The following PLCH2 variants were observed in gnomAD, a reference collection of about 807,000 sequenced individuals.
PLCH2 encodes 1-phosphatidylinositol 4,5-bisphosphate phosphodiesterase eta-2.
PLCH2 carries 98 observed loss-of-function variants against 134.7 expected under a neutral mutation model. That is an observed-to-expected ratio of 0.73 (90% confidence interval 0.62 to 0.86). The LOEUF (loss-of-function observed/expected upper bound fraction) is 0.86. PLCH2 is among the 40% of genes least tolerant of loss of function. The pLI is 0.00. For synonymous variants in PLCH2, 974 were observed against 827.5 expected (o/e 1.18, Z -3.04); for missense variants, 1,994 against 1,986.6 (o/e 1.00, Z -0.07).
At position 2,487,677 on chromosome 1, in the gene PLCH2, C is replaced by T. The variant is rs377643180; in HGVS notation, c.1194C>T (p.Asp398=). ...TGACTTCCAAGATCCTCTTCAAAGACGTCATTGAAACCATCAACAAATATG... is the reference window on the plus strand; with the variant it reads ...TGACTTCCAAGATCCTCTTCAAAGATGTCATTGAAACCATCAACAAATATG... ...YTLTSKILFK[D]VIETINKYAF... Residue 398 remains aspartate (D), a synonymous_variant, in exon 8 of 22, where the codon GAC becomes GAT. Coordinates refer to ENST00000378486, the MANE Select transcript of PLCH2 (RefSeq NM_014638.4). 27 of 1,613,346 alleles carry T rather than the reference C, an allele frequency of 1.7e-5. No homozygotes were observed. The Admixed American group carries it at 1.8e-4, about 11-fold the overall frequency.
In PLCH2 at chr1:2,504,248, A is replaced by G; in HGVS notation, c.3286A>G (p.Ser1096Gly). ...CCTGCCCGTGATTAGAAGGGTGAAG[A>G]GTGAGGGGCAGGTGCCCACGGAGCC... ...GHLPVIRRVKSEGQVPTEPLG... is the reference protein window; with the variant it reads ...GHLPVIRRVKGEGQVPTEPLG... The change falls in exon 22 of 22, where the codon AGT (serine) becomes GGT (glycine). Residue 1096 changes from serine to glycine, a missense_variant. By Grantham distance (56) the Ser-to-Gly change is moderately conservative. Coordinates refer to ENST00000378486, the MANE Select transcript of PLCH2 (RefSeq NM_014638.4). 1 of 1,586,764 alleles carries G rather than the reference A, an allele frequency of 6.3e-7. No homozygotes were observed. Among genetic ancestry groups the G allele is most frequent in the South Asian group, 1.1e-5 (1 of 88,130 alleles).
chr1:2,505,026 A>G lies in PLCH2; in HGVS notation c.4064A>G (p.Gln1355Arg). 2 of 1,544,226 alleles carry G rather than the reference A, an allele frequency of 1.3e-6. No individual in the cohort carries two copies. The highest frequency in any genetic ancestry group is 1.7e-6 in the Non-Finnish European group (2 of 1,151,604). ...RVRAIASRAR[Q>R]AQERQQRLQG... ...CGTGCCATTGCCAGCCGGGCCCGCC[A>G]GGCCCAGGAGCGGCAGCAGAGACTG... is the stretch of plus-strand genomic sequence containing the variant. Residue 1355 changes from glutamine (Q) to arginine (R), a missense_variant, in exon 22 of 22, where the codon CAG (glutamine) becomes CGG (arginine). Coordinates refer to ENST00000378486, the MANE Select transcript of PLCH2 (RefSeq NM_014638.4).
In PLCH2 at chr1:2,502,197, C is replaced by A; in HGVS notation, c.2747C>A (p.Pro916Gln). The change falls in exon 21 of 22, where the codon CCG becomes CAG. Residue 916 changes from proline to glutamine, a missense_variant. Around this residue, in one of 2 missense-constraint regions of PLCH2, gnomAD observed 900 missense variants for 752.3 expected, o/e 1.20. Coordinates refer to ENST00000378486, the MANE Select transcript of PLCH2 (RefSeq NM_014638.4). The part of the protein sequence containing the change: ...SLDSHAAGRP[P>Q]ARPSVSQRIL... ...GACAGTCATGCTGCTGGGCGGCCCCCGGCCCGGCCCTCCGTTAGCCAGCGG... is the reference window on the plus strand; with the variant it reads ...GACAGTCATGCTGCTGGGCGGCCCCAGGCCCGGCCCTCCGTTAGCCAGCGG... 1 of 1,535,896 alleles carries A rather than the reference C, an allele frequency of 6.5e-7. No homozygotes were observed. Among genetic ancestry groups the A allele is most frequent in the Non-Finnish European group, 8.7e-7 (1 of 1,143,146 alleles).
chr1:2,455,928 G>A (rs1268841587), intron 2 of PLCH2, among the ~76,000 whole-genome samples: 4 of 152,360 alleles, frequency 2.6e-5, no homozygotes, highest in African/African-American at 4.8e-5. Context: ...CTGTGTGCTC[G>A]TGTGTTTAAG....
At chr1:2,476,818 A>C in intron 1 of PLCH2, 106 bp downstream of exon 1, 1 of 1,196,368 alleles carries the variant, frequency 8.4e-7, no homozygotes, top group South Asian at 1.6e-5. Flanking sequence ...CCTCCATCCC[A>C]TCCTGCACTC....
intron 4 of PLCH2, among the ~76,000 whole-genome samples, chr1:2,482,104 C>T (rs1642002553): frequency 1.3e-5 from 2 of 152,288 alleles, no homozygotes; most frequent in East Asian, 1.9e-4. Context: ...GCACGTTCAA[C>T]AGCAGTGGCT....
At chr1:2,491,447 C>G in intron 11 of PLCH2, 112 bp downstream of exon 11, 1 of 1,092,760 alleles carries the variant, frequency 9.2e-7, no homozygotes, top group South Asian at 1.5e-5. Flanking sequence ...CACCTGTGCA[C>G]ACACAAATCT....
At chr1:2,420,275 C>G in the PLCH2 span, among the ~76,000 whole-genome samples, 1 of 152,160 alleles carries the variant, frequency 6.6e-6, no homozygotes, top group Non-Finnish European at 1.5e-5. Flanking sequence ...CTTGTCCTTC[C>G]TCCCGCTGCT....
intron 20 of PLCH2, chr1:2,499,984 G>A (rs566566045): frequency 4.0e-5 from 23 of 572,614 alleles, no homozygotes; most frequent in African/African-American, 2.6e-4. Flanking sequence ...GCCTTGCCCC[G>A]CCCTGTGTCA....
Position 2,491,269 on chromosome 1 carries a change from G to A in PLCH2, c.1593G>A (p.Arg531=), listed in dbSNP as rs776079295. Residue 531 remains arginine, a synonymous_variant, in exon 11 of 22, where the codon CGG becomes CGA. Coordinates refer to ENST00000378486, the MANE Select transcript of PLCH2 (RefSeq NM_014638.4). ...LDSLIKESKI[R]DCEDPNNFSV... is the part of the protein sequence containing the mutation. ...CCCTCATCAAAGAGTCGAAGATTCG[G>A]GACTGTGAGGACCCCAACAACTTCT... 2 of 1,613,308 alleles carry A rather than the reference G, an allele frequency of 1.2e-6. No homozygotes were observed. Among genetic ancestry groups the A allele is most frequent in the Non-Finnish European group, 1.7e-6 (2 of 1,179,836 alleles).
chr1:2,463,104 T>C (rs1031197860), upstream of PLCH2, among the ~76,000 whole-genome samples: 3 of 152,208 alleles, frequency 2.0e-5, no homozygotes, highest in African/African-American at 7.2e-5. Context: ...AAATGTGCGC[T>C]TGGCACCTCT....
rs781223241 is a variant in PLCH2, at chr1:2,489,369, C to T, written c.1398C>T (p.Ile466=). 3.1e-6 allele frequency: 5 copies of T among 1,613,648 alleles called. No individual in the cohort carries two copies. Among genetic ancestry groups the T allele is most frequent in the Middle Eastern group, 1.6e-4 (1 of 6,062 alleles). ...CTCCACAGATGCTCAAGGGCAAGATCCTCGTGAAGGTGAGTGAGCCCCTGC... is the reference window on the plus strand; with the variant it reads ...CTCCACAGATGCTCAAGGGCAAGATTCTCGTGAAGGTGAGTGAGCCCCTGC... ...LPSPQMLKGK[I]LVKGKKLPAN... is the part of the protein sequence containing the mutation. The change falls in exon 9 of 22, where the codon ATC becomes ATT. Residue 466 remains isoleucine, a synonymous_variant. Coordinates refer to ENST00000378486, the MANE Select transcript of PLCH2 (RefSeq NM_014638.4).
upstream of PLCH2, among the ~76,000 whole-genome samples, chr1:2,474,274 G>A (rs909659481): frequency 2.0e-5 from 3 of 152,192 alleles, no homozygotes. Flanking sequence ...TTGGCCCGGG[G>A]CACCCCCGGC....
rs990453841 is a variant in PLCH2 at position 2,444,604 on chromosome 1, T to C, written c.115+13975T>C. ...GCCGGCAGAGCTACAGGGTATTCTT[T>C]AGGGAGATGGGCTCTGCTGGAGCTG... On this transcript the variant is annotated intron_variant, in intron 2 of 3. Transcript: ENST00000609981. This position sits in a 1 kb window ranked among gnomAD's most constrained non-coding sequence, Gnocchi z 4.6. Among the ~76,000 whole-genome samples the C allele has an allele frequency of 1.3e-5, 2 of 152,072 alleles. No individual in the cohort carries two copies. The highest frequency in any genetic ancestry group is 4.8e-5 in the African/African-American group (2 of 41,390).
intron 19 of PLCH2, 59 bp downstream of exon 19, chr1:2,499,289 G>T (rs1041452511): frequency 3.6e-5 from 57 of 1,584,906 alleles, no homozygotes; most frequent in Non-Finnish European, 4.3e-5. Context: ...GGCAGGGCAG[G>T]TACTCTTTCC....
chr1:2,429,733 G>T (rs1460700795), intron 1 of PLCH2, among the ~76,000 whole-genome samples: 1 of 152,198 alleles, frequency 6.6e-6, no homozygotes, highest in African/African-American at 2.4e-5. Context: ...CCTCAGGAGT[G>T]ACACTGGTGA....
chr1:2,453,093 C>T (rs12756157), intron 2 of PLCH2, among the ~76,000 whole-genome samples: 25,293 of 152,002 alleles, frequency 0.17, 2,339 homozygotes, highest in East Asian at 0.3. Context: ...TGGGACTCCT[C>T]ACCACCTCCA....
chr1:2,451,470 C>T (rs1409216623), intron 2 of PLCH2, among the ~76,000 whole-genome samples: 1 of 152,204 alleles, frequency 6.6e-6, no homozygotes, highest in African/African-American at 2.4e-5. Flanking sequence ...TAACCCCTGG[C>T]AGCCCCAGTA....
At chr1:2,499,039 C>A (rs1207617118) in intron 18 of PLCH2, 45 bp from the exon 19 acceptor site, 2 of 1,582,138 alleles carry the variant, frequency 1.3e-6, no homozygotes, top group Middle Eastern at 1.9e-4. Flanking sequence ...CGGTGCTGGG[C>A]CGGGCCCTCC....
Sources: allele counts gnomAD v4.1 joint callset (sites outside exome capture counted in the v4.1 genomes callset), GRCh38; gene constraint gnomAD v4.1.1; regional missense constraint gnomAD v4.1.1; non-coding constraint Gnocchi (gnomAD v3.1); transcripts MANE v1.5; gene names NCBI Gene and HGNC (gene_info 2026-07-23, HGNC 2026-07-21).